LRP1B: variants seen among roughly 807,000 people sequenced by gnomAD.
LRP1B encodes the protein low-density lipoprotein receptor-related protein 1B.
In LRP1B, 217 loss-of-function variants were observed where a neutral mutation model predicts 556.6. The observed-to-expected ratio is 0.39, with a 90% CI of 0.35 to 0.44. The LOEUF is 0.44. Ranked by LOEUF, LRP1B falls within the 20% of genes least tolerant of loss-of-function variation. LRP1B has a pLI of 1.00. For missense variants in LRP1B, 5,053 were observed against 5,620.8 expected (o/e 0.90, Z 3.23); for synonymous variants, 2,047 against 1,865.8 (o/e 1.10, Z -2.50).
chr2:140,945,019 A>T (rs1158720038), intron 20 of LRP1B, among the ~76,000 whole-genome samples: 2 of 152,124 alleles, frequency 1.3e-5, no homozygotes, highest in Non-Finnish European at 2.9e-5. Context: ...CTAAGCCAAA[A>T]GGCAACTAGC....
At chr2:140,457,700 G>T (rs1295153174) in intron 60 of LRP1B, 49 bp from the exon 61 acceptor site, 2 of 1,445,908 alleles carry the variant, frequency 1.4e-6, no homozygotes, top group Non-Finnish European at 1.9e-6. Context: ...AAGACTGCCA[G>T]TTAAAATATT....
chr2:140,347,325 C>T (rs1344762248), intron 77 of LRP1B, among the ~76,000 whole-genome samples: 1 of 151,464 alleles, frequency 6.6e-6, no homozygotes, highest in African/African-American at 2.4e-5. Flanking sequence ...TTGTATAGCC[C>T]AGAGGGTTAG....
At chr2:140,416,285 A>G (rs1273520432) in intron 66 of LRP1B, among the ~76,000 whole-genome samples, 1 of 152,174 alleles carries the variant, frequency 6.6e-6, no homozygotes, top group Non-Finnish European at 1.5e-5. Flanking sequence ...TGAGGATGAT[A>G]CTAGAGCTGA....
At chr2:140,336,762 T>C (rs1054447350) in intron 77 of LRP1B, among the ~76,000 whole-genome samples, 2 of 151,996 alleles carry the variant, frequency 1.3e-5, no homozygotes, top group Non-Finnish European at 2.9e-5. Flanking sequence ...GCAGAATTCA[T>C]TGAGACTGGA....
At chr2:141,678,569 G>A (rs879236894) in intron 2 of LRP1B, among the ~76,000 whole-genome samples, 1 of 152,082 alleles carries the variant, frequency 6.6e-6, no homozygotes, top group Admixed American at 6.6e-5. Flanking sequence ...AGAAGAAATG[G>A]GAGAGAAAGT....
At chr2:141,015,478 C>G (rs1697875346) in intron 13 of LRP1B, among the ~76,000 whole-genome samples, 1 of 152,028 alleles carries the variant, frequency 6.6e-6, no homozygotes, top group African/African-American at 2.4e-5. Flanking sequence ...AGAAATCCCA[C>G]AAATCCTGGC....
chr2:141,538,699 C>T (rs1281135336), intron 2 of LRP1B, among the ~76,000 whole-genome samples: 1 of 150,272 alleles, frequency 6.7e-6, no homozygotes, highest in Non-Finnish European at 1.5e-5. Flanking sequence ...TGCAGCAGCA[C>T]AATGATCTTG....
At chr2:142,048,251 T>G (rs1266730422) in intron 1 of LRP1B, among the ~76,000 whole-genome samples, 2 of 152,122 alleles carry the variant, frequency 1.3e-5, no homozygotes, top group African/African-American at 4.8e-5. Flanking sequence ...CATTTATTTC[T>G]AGGCATTGCA....
chr2:140,856,238 G>T (rs1692613894), intron 27 of LRP1B, among the ~76,000 whole-genome samples: 1 of 152,040 alleles, frequency 6.6e-6, no homozygotes, highest in Non-Finnish European at 1.5e-5. Context: ...TCTTCCCCTA[G>T]AATTTCATCA....
rs1465867790 is a variant in LRP1B at position 140,502,964 on chromosome 2, T to G, written c.8661A>C (p.Ala2887=). Residue 2887 remains alanine, a splice_region_variant and synonymous_variant, in exon 54 of 91, where the codon GCA becomes GCC. Transcript: ENST00000389484. ...GCGGTATTGTATATATTTCTGTACCTGCACTTTTACACTTTGGGTTTAAAG... is the reference window on the plus strand; with the variant it reads ...GCGGTATTGTATATATTTCTGTACCGGCACTTTTACACTTTGGGTTTAAAG... ...EAPLNPKCKS[A]EQSCNSSFFM... is the part of the protein sequence containing the mutation. 1 of 1,612,752 alleles carries G rather than the reference T, an allele frequency of 6.2e-7. No homozygotes were observed. Among genetic ancestry groups the G allele is most frequent in the Non-Finnish European group, 8.5e-7 (1 of 1,179,058 alleles).
chr2:141,677,298 G>C (rs1293178669), intron 2 of LRP1B, among the ~76,000 whole-genome samples: 1 of 152,056 alleles, frequency 6.6e-6, no homozygotes, highest in Non-Finnish European at 1.5e-5. Flanking sequence ...GAAGTGAAGG[G>C]AAACAGAGGC....
At chr2:141,457,827 A>G (rs895358693) in intron 3 of LRP1B, among the ~76,000 whole-genome samples, 1 of 152,148 alleles carries the variant, frequency 6.6e-6, no homozygotes, top group Non-Finnish European at 1.5e-5. Flanking sequence ...AAGCCCAGGG[A>G]AGAAGAAGCA....
intron 3 of LRP1B, among the ~76,000 whole-genome samples, chr2:141,366,479 T>A (rs1689038720): frequency 6.6e-6 from 1 of 152,254 alleles, no homozygotes; most frequent in Non-Finnish European, 1.5e-5. Flanking sequence ...GCTTCAATGT[T>A]CAGTCTATCT....
At chr2:141,876,528 A>G (rs192330757) in intron 1 of LRP1B, among the ~76,000 whole-genome samples, 3 of 152,108 alleles carry the variant, frequency 2.0e-5, no homozygotes, top group Non-Finnish European at 4.4e-5. Context: ...ATTATAGATT[A>G]TGTAGTTATT....
At chr2:141,923,393 A>ATC (rs1186647777) in intron 1 of LRP1B, among the ~76,000 whole-genome samples, 2 of 37,304 alleles carry the variant, frequency 5.4e-5, no homozygotes, top group Non-Finnish European at 1.2e-4. Context: ...TAATGAAATT[A>ATC]TCTCTGTCAC....
chr2:140,548,205 A>C (rs148941021), intron 43 of LRP1B, among the ~76,000 whole-genome samples: 44 of 152,274 alleles, frequency 2.9e-4, no homozygotes, highest in Non-Finnish European at 5.3e-4. Context: ...GAGATTTTGC[A>C]ACTTGCCAAC....
chr2:140,755,005 G>T (rs1688697697), intron 35 of LRP1B, among the ~76,000 whole-genome samples: 1 of 138,904 alleles, frequency 7.2e-6, no homozygotes. Context: ...TGATACAGTA[G>T]ATACAGAAAT....
intron 2 of LRP1B, among the ~76,000 whole-genome samples, chr2:141,593,184 G>A (rs917758306): frequency 1.3e-5 from 2 of 152,090 alleles, no homozygotes; most frequent in Admixed American, 1.3e-4. Flanking sequence ...TCCAGGGAAG[G>A]CATGAAACCT....
chr2:141,628,738 T>C (rs926591729), intron 2 of LRP1B, among the ~76,000 whole-genome samples: 1 of 151,902 alleles, frequency 6.6e-6, no homozygotes. Context: ...AGTCTCTACC[T>C]CTGGGCTCAA....
Sources: gnomAD v4.1 joint callset for allele counts (sites outside exome capture counted in the v4.1 genomes callset) on GRCh38, gnomAD v4.1.1 for gene constraint, MANE v1.5 for transcripts, NCBI Gene and HGNC (gene_info 2026-07-23, HGNC 2026-07-21) for gene names.